The following ORAI3 variants were observed in gnomAD, a reference collection of about 807,000 sequenced individuals.
ORAI3 encodes protein orai-3.
In ORAI3, 15 loss-of-function variants were observed where a neutral mutation model predicts 17.2. The ratio of observed to expected loss-of-function variants is 0.87; its 90% confidence interval spans 0.58 to 1.34. ORAI3 has a LOEUF of 1.34. Ranked by LOEUF, ORAI3 falls within the 40% of genes most tolerant of loss-of-function variation. The pLI is 0.00. For missense variants in ORAI3, 405 were observed against 396.7 expected (o/e 1.02, Z -0.18); for synonymous variants, 178 against 172.4 (o/e 1.03, Z -0.25).
chr16:30,951,320 T>A (rs917041324), intron 1 of ORAI3, among the ~76,000 whole-genome samples: 2 of 152,134 alleles, frequency 1.3e-5, no homozygotes, highest in African/African-American at 4.8e-5. Flanking sequence ...ATATACATCA[T>A]CTGTTAGCCT....
In ORAI3 at chr16:30,954,152, T is replaced by C; in HGVS notation, c.*308T>C. On this transcript the variant is annotated 3_prime_UTR_variant, in exon 2 of 2. Coordinates refer to ENST00000318663, the MANE Select transcript of ORAI3 (RefSeq NM_152288.3). ...GGAGGCAGGGAGAGCTTGTGGGACC[T>C]TCAGTGCTGACTTTAGCCACCATTT... The C allele has an allele frequency of 2.8e-6, 2 of 702,516 alleles. No individual in the cohort carries two copies. Among genetic ancestry groups the C allele is most frequent in the South Asian group, 1.5e-5 (1 of 67,598 alleles). 43.5% of individuals were successfully genotyped at this position (702,516 alleles called of 1,614,324 possible).
chr16:30,953,648 C>A lies in ORAI3; in HGVS notation c.692C>A (p.Ala231Asp). The change falls in exon 2 of 2, where the codon GCC (alanine) becomes GAC (aspartate). Residue 231 changes from alanine (A) to aspartate (D), a missense_variant. By Grantham distance (126) the Ala-to-Asp change is moderately radical. Transcript: ENST00000318663. ...GAGCCAGCCTGCCCACCCCGGCAAG[C>A]CTGTGGTGGTGGTGGGGCCCATGGG... ...QAEPACPPRQ[A>D]CGGGGAHGPG... 1 of 1,613,876 alleles carries A rather than the reference C, an allele frequency of 6.2e-7. No homozygotes were observed. The highest frequency in any genetic ancestry group is 8.5e-7 in the Non-Finnish European group (1 of 1,179,860).
chr16:30,949,402 T>C lies in ORAI3; in HGVS notation c.113T>C (p.Leu38Pro), dbSNP rs753506502. ...TTCGTGCACCGCGGCTACCTGGACC[T>C]CATGGGGGCCAGTCAGCACTCGCTG... Reference protein sequence around the residue: ...REFVHRGYLDLMGASQHSLRA... With the variant: ...REFVHRGYLDPMGASQHSLRA... The change falls in exon 1 of 2, where the codon CTC (leucine) becomes CCC (proline). Residue 38 changes from leucine to proline, a missense_variant. Transcript: ENST00000318663. The C allele has an allele frequency of 2.0e-5, 32 of 1,599,222 alleles. 1 individual carries two copies. In the Admixed American group the frequency reaches 5.5e-4, roughly 27 times the overall value.
chr16:30,951,729 AC>A (rs775816745), intron 1 of ORAI3, among the ~76,000 whole-genome samples: 1 of 151,528 alleles, frequency 6.6e-6, no homozygotes, highest in African/African-American at 2.4e-5. Context: ...AAAAAGAGAG[AC>A]CCCATGACCT....
In ORAI3 at chr16:30,953,804, A is replaced by C; in HGVS notation, c.848A>C (p.Glu283Ala). The C allele has an allele frequency of 1.2e-6, 2 of 1,613,240 alleles. No individual in the cohort carries two copies. Among genetic ancestry groups the C allele is most frequent in the African/African-American group, 2.7e-5 (2 of 75,056 alleles). ...HKTDRYKQEL[E>A]ELNRLQGELQ... ...ACAGACCGCTACAAGCAGGAACTAGAGGAACTGAATCGCCTGCAGGGGGAG... is the reference window on the plus strand; with the variant it reads ...ACAGACCGCTACAAGCAGGAACTAGCGGAACTGAATCGCCTGCAGGGGGAG... The change falls in exon 2 of 2, where the codon GAG becomes GCG. Residue 283 changes from glutamate (E) to alanine (A), a missense_variant. By Grantham distance (107) the Glu-to-Ala change is moderately radical (BLOSUM62 -1). Coordinates refer to ENST00000318663, the MANE Select transcript of ORAI3 (RefSeq NM_152288.3).
Position 30,954,258 on chromosome 16 carries a change from C to A in ORAI3, c.*414C>A, listed in dbSNP as rs2055940759. 3.2e-6 allele frequency: 2 copies of A among 628,290 alleles called. No homozygotes were observed. The highest frequency in any genetic ancestry group is 5.0e-5 in the Admixed American group (2 of 39,708). The allele number at this position is 628,290 out of a possible 1,614,324, so 38.9% of individuals were successfully genotyped here. A position where few individuals can be genotyped will look rare whatever the true frequency, so the allele number is the denominator to read the frequency against. ...TTTTTTTTTTTGAGACAGTCTGTTT[C>A]CCAGGCTGGAGTGTAGTGATACAGT... On this transcript the variant is annotated 3_prime_UTR_variant, in exon 2 of 2. Coordinates refer to ENST00000318663, the MANE Select transcript of ORAI3 (RefSeq NM_152288.3).
intron 1 of ORAI3, among the ~76,000 whole-genome samples, chr16:30,951,405 C>T (rs1251510653): frequency 6.6e-6 from 1 of 152,180 alleles, no homozygotes; most frequent in East Asian, 1.9e-4. Context: ...GACACCTGCC[C>T]AAGGTCCCAC....
At position 30,951,865 on chromosome 16, in the gene ORAI3, A is replaced by C. The variant is rs537494117; in HGVS notation, c.229-1320A>C. On this transcript the variant is annotated intron_variant, in intron 1 of 1. Coordinates refer to ENST00000318663, the MANE Select transcript of ORAI3 (RefSeq NM_152288.3). The stretch of plus-strand genomic sequence containing the variant: ...AAATAGGGATATAAGAAATCTCTTC[A>C]GTTTTACAAGTTGGCAGCATCTTCC... Among the ~76,000 whole-genome samples, 164 of 152,322 alleles carry C rather than the reference A, an allele frequency of 1.1e-3. 3 individuals are homozygous for C. The South Asian group carries it at 0.033, about 31-fold the overall frequency.
In ORAI3 at chr16:30,949,387, G is replaced by T; in HGVS notation, c.98G>T (p.Arg33Leu). The T allele has an allele frequency of 6.3e-7, 1 of 1,584,744 alleles. No homozygotes were observed. The highest frequency in any genetic ancestry group is 8.6e-7 in the Non-Finnish European group (1 of 1,167,470). ...GSATYREFVH[R>L]GYLDLMGASQ... ...GCCACGTACCGGGAGTTCGTGCACC[G>T]CGGCTACCTGGACCTCATGGGGGCC... Residue 33 changes from arginine (R) to leucine (L), a missense_variant, in exon 1 of 2, where the codon CGC (arginine) becomes CTC (leucine). Coordinates refer to ENST00000318663, the MANE Select transcript of ORAI3 (RefSeq NM_152288.3).
chr16:30,952,165 C>T (rs1378175374), intron 1 of ORAI3, among the ~76,000 whole-genome samples: 1 of 150,056 alleles, frequency 6.7e-6, no homozygotes, highest in Non-Finnish European at 1.5e-5. Flanking sequence ...CCCACACTGT[C>T]ACCCAGGCTG....
At chr16:30,952,124 CTTTCTT>C (rs1445637650) in intron 1 of ORAI3, among the ~76,000 whole-genome samples, 26 of 109,502 alleles carry the variant, frequency 2.4e-4, no homozygotes, top group Middle Eastern at 6.0e-3. Flanking sequence ...TCTTTCTTAT[CTTTCTT>C]TTTTTTTTTT....
chr16:30,949,405 T>C lies in ORAI3; in HGVS notation c.116T>C (p.Met39Thr), dbSNP rs757035456. Residue 39 changes from methionine (M) to threonine (T), a missense_variant, in exon 1 of 2, where the codon ATG becomes ACG. Transcript: ENST00000318663. ...EFVHRGYLDLMGASQHSLRAL... is the reference protein window; with the variant it reads ...EFVHRGYLDLTGASQHSLRAL... ...GTGCACCGCGGCTACCTGGACCTCA[T>C]GGGGGCCAGTCAGCACTCGCTGCGG... 9 of 1,600,404 alleles carry C rather than the reference T, an allele frequency of 5.6e-6. No individual in the cohort carries two copies. The highest frequency in any genetic ancestry group is 2.3e-5 in the East Asian group (1 of 44,000).
chr16:30,951,208 G>T (rs2055923351), intron 1 of ORAI3, among the ~76,000 whole-genome samples: 1 of 152,232 alleles, frequency 6.6e-6, no homozygotes, highest in Non-Finnish European at 1.5e-5. Context: ...CAGGGATGGG[G>T]AGAGAGTGGG....
At chr16:30,949,545 G>A (rs1480219312) in intron 1 of ORAI3, 28 bp downstream of exon 1, 2 of 1,375,520 alleles carry the variant, frequency 1.5e-6, no homozygotes, top group Non-Finnish European at 2.0e-6. Flanking sequence ...GTCACACCCG[G>A]TGGGGCAGAG....
chr16:30,953,823 G>A lies in ORAI3; in HGVS notation c.867G>A (p.Gln289=). ...AACTAGAGGAACTGAATCGCCTGCAGGGGGAGCTGCAGGCTGTGTGAGACT... is the reference window on the plus strand; with the variant it reads ...AACTAGAGGAACTGAATCGCCTGCAAGGGGAGCTGCAGGCTGTGTGAGACT... ...KQELEELNRL[Q]GELQAV Residue 289 remains glutamine (Q), a synonymous_variant, in exon 2 of 2, where the codon CAG becomes CAA. Coordinates refer to ENST00000318663, the MANE Select transcript of ORAI3 (RefSeq NM_152288.3). 3.1e-6 allele frequency: 5 copies of A among 1,611,026 alleles called. No homozygotes were observed. Among genetic ancestry groups the A allele is most frequent in the Non-Finnish European group, 4.2e-6 (5 of 1,178,810 alleles).
At chr16:30,952,111 TTTTC>T (rs1457127157) in intron 1 of ORAI3, among the ~76,000 whole-genome samples, 2 of 145,702 alleles carry the variant, frequency 1.4e-5, no homozygotes, top group Admixed American at 7.4e-5. Context: ...TCTTTCTTTC[TTTTC>T]TTTCTTATCT....
At position 30,949,403 on chromosome 16, in the gene ORAI3, C is replaced by T. The variant is rs1370455864; in HGVS notation, c.114C>T (p.Leu38=). Residue 38 remains leucine (L), a synonymous_variant, in exon 1 of 2, where the codon CTC becomes CTT. Transcript: ENST00000318663. The part of the protein sequence containing the change: ...REFVHRGYLD[L]MGASQHSLRA... ...TCGTGCACCGCGGCTACCTGGACCT[C>T]ATGGGGGCCAGTCAGCACTCGCTGC... The T allele has an allele frequency of 1.9e-6, 3 of 1,600,148 alleles. No individual in the cohort carries two copies. The highest frequency in any genetic ancestry group is 2.6e-6 in the Non-Finnish European group (3 of 1,174,886).
rs1394897247 is a variant in ORAI3, at chr16:30,954,284, C to G, written c.*440C>G. 1.6e-6 allele frequency: 1 copy of G among 606,954 alleles called. No individual in the cohort carries two copies. Among genetic ancestry groups the G allele is most frequent in the African/African-American group, 1.9e-5 (1 of 53,204 alleles). The allele number at this position is 606,954 out of a possible 1,614,324, so 37.6% of individuals were successfully genotyped here. On this transcript the variant is annotated 3_prime_UTR_variant, in exon 2 of 2. Coordinates refer to ENST00000318663, the MANE Select transcript of ORAI3 (RefSeq NM_152288.3). Reference sequence around the variant, plus strand: ...CCAGGCTGGAGTGTAGTGATACAGTCACAGCTCACTGTAGCCTCGACCTTC... The same window carrying G: ...CCAGGCTGGAGTGTAGTGATACAGTGACAGCTCACTGTAGCCTCGACCTTC...
Position 30,949,315 on chromosome 16 carries a change from G to T in ORAI3, c.26G>T (p.Gly9Val). Reference sequence around the variant, plus strand: ...ATGAAGGGCGGCGAGGGGGACGCGGGCGAGCAGGCCCCGCTGAACCCTGAG... The same window carrying T: ...ATGAAGGGCGGCGAGGGGGACGCGGTCGAGCAGGCCCCGCTGAACCCTGAG... MKGGEGDAGEQAPLNPEGE... is the reference protein window; with the variant it reads MKGGEGDAVEQAPLNPEGE... The change falls in exon 1 of 2, where the codon GGC becomes GTC. Residue 9 changes from glycine (G) to valine (V), a missense_variant. Transcript: ENST00000318663. 7.0e-7 allele frequency: 1 copy of T among 1,436,856 alleles called. No homozygotes were observed. The allele number at this position is 1,436,856 out of a possible 1,614,324, so 89.0% of individuals were successfully genotyped here.
Sources: gnomAD v4.1 joint callset for allele counts (sites outside exome capture counted in the v4.1 genomes callset) on GRCh38, gnomAD v4.1.1 for gene constraint, MANE v1.5 for transcripts, NCBI Gene and HGNC (gene_info 2026-07-23, HGNC 2026-07-21) for gene names.